The following NRAP variants were observed in gnomAD, a reference collection of about 807,000 sequenced individuals.
The protein encoded by NRAP is nebulin-related-anchoring protein.
Under a neutral mutation model 225.9 loss-of-function variants are expected in NRAP, and 189 were observed. That is an observed-to-expected ratio of 0.84 (90% CI 0.74 to 0.94). The LOEUF is 0.94. Among genes scored for constraint, NRAP ranks in the 40% least tolerant of loss-of-function variants. The probability of loss-of-function intolerance (pLI) is 0.00; values close to 1 mark genes in which losing one functional copy is unlikely to be tolerated. For missense variants in NRAP, 2,176 were observed against 2,168.7 expected (o/e 1.00, Z -0.07); for synonymous variants, 769 against 790.7 (o/e 0.97, Z 0.46).
At chr10:113,648,982 T>G (rs1042683584) in intron 9 of NRAP, among the ~76,000 whole-genome samples, 1 of 152,336 alleles carries the variant, frequency 6.6e-6, no homozygotes, top group Admixed American at 6.5e-5. Flanking sequence ...AGATTTTTTT[T>G]AAGCTGATTT....
At chr10:113,608,198 T>C (rs1056815321) in intron 32 of NRAP, among the ~76,000 whole-genome samples, 1 of 152,198 alleles carries the variant, frequency 6.6e-6, no homozygotes. Context: ...TGGTCTGGGA[T>C]TGCACTTGGA....
chr10:113,606,347 G>A, intron 32 of NRAP, 65 bp from the exon 33 acceptor site: 1 of 1,013,910 alleles, frequency 9.9e-7, no homozygotes, highest in Non-Finnish European at 1.5e-6. Context: ...TGCAGTGCTG[G>A]AAGTCCCTCA....
rs765630342 is a variant in NRAP, at chr10:113,615,800, T to C, written c.2990A>G (p.Gln997Arg). The C allele has an allele frequency of 6.3e-7, 1 of 1,598,902 alleles. No individual in the cohort carries two copies. Among genetic ancestry groups the C allele is most frequent in the South Asian group, 1.1e-5 (1 of 90,712 alleles). ...GTAATGATGCTTTATGTTTTCTCCTTGTTCCCTGTATAATCTCTGTGGATG... is the reference window on the plus strand; with the variant it reads ...GTAATGATGCTTTATGTTTTCTCCTCGTTCCCTGTATAATCTCTGTGGATG... ...TQAVDRLYREQGENIKHHYTP... is the reference protein window; with the variant it reads ...TQAVDRLYRERGENIKHHYTP... The change falls in exon 27 of 42, where the codon CAA becomes CGA. Residue 997 changes from glutamine to arginine, a missense_variant. Gln to Arg is a conservative substitution (Grantham distance 43). Transcript: ENST00000359988.
intron 18 of NRAP, among the ~76,000 whole-genome samples, chr10:113,631,138 G>A (rs964460659): frequency 6.6e-6 from 1 of 152,138 alleles, no homozygotes; most frequent in Non-Finnish European, 1.5e-5. Flanking sequence ...TAAGCAGGAC[G>A]CTTTTGGTCC....
chr10:113,662,654 T>C, intron 3 of NRAP, 25 bp downstream of exon 3: 1 of 1,165,796 alleles, frequency 8.6e-7, no homozygotes, highest in Non-Finnish European at 1.3e-6. Flanking sequence ...ATACCCTCCA[T>C]CCCACTGAAA....
chr10:113,593,074 A>G (rs1420216663), intron 38 of NRAP, among the ~76,000 whole-genome samples: 1 of 152,004 alleles, frequency 6.6e-6, no homozygotes, highest in Non-Finnish European at 1.5e-5. Context: ...AGATAAGGGA[A>G]TGGCTCTATA....
intron 11 of NRAP, among the ~76,000 whole-genome samples, chr10:113,643,379 G>T (rs1311490623): frequency 6.6e-6 from 1 of 152,176 alleles, no homozygotes; most frequent in Non-Finnish European, 1.5e-5. Flanking sequence ...CATATTTCCT[G>T]TAATGGAAAT....
At chr10:113,615,554 T>C (rs1847602524) in intron 27 of NRAP, among the ~76,000 whole-genome samples, 158 bp downstream of exon 27, 1 of 152,132 alleles carries the variant, frequency 6.6e-6, no homozygotes, top group African/African-American at 2.4e-5. Flanking sequence ...CAGATGAAAA[T>C]GTGGGGCCCC....
rs369131201 is a variant in NRAP at position 113,604,694 on chromosome 10, T to C, written c.4142A>G (p.Tyr1381Cys). 4.3e-6 allele frequency: 7 copies of C among 1,614,080 alleles called. No individual in the cohort carries two copies. The highest frequency in any genetic ancestry group is 1.3e-5 in the African/African-American group (1 of 74,936). The change falls in exon 35 of 42, where the codon TAC (tyrosine) becomes TGC (cysteine). Residue 1381 changes from tyrosine to cysteine, a missense_variant. By Grantham distance (194) the Tyr-to-Cys change is radical. This residue lies in a region of NRAP where 23 missense variants were observed against 47.1 expected (regional missense o/e 0.49). Coordinates refer to ENST00000359988, the MANE Select transcript of NRAP (RefSeq NM_198060.4). ...NAQALASDHD[Y>C]RTQYHKFTAL... ...TGTGAACTTGTGATACTGTGTCCTG[T>C]AGTCGTGGTCGCTGGCCAGAGCCTG...
In NRAP at chr10:113,634,143, T is replaced by C; in HGVS notation, c.1496A>G (p.Gln499Arg). 2.5e-6 allele frequency: 4 copies of C among 1,613,932 alleles called. No homozygotes were observed. Among genetic ancestry groups the C allele is most frequent in the Non-Finnish European group, 2.5e-6 (3 of 1,179,818 alleles). Residue 499 changes from glutamine (Q) to arginine (R), a missense_variant, in exon 15 of 42, where the codon CAA becomes CGA. This residue lies in a region of NRAP where 1,708 missense variants were observed against 1,695.5 expected (regional missense o/e 1.01). Coordinates refer to ENST00000359988, the MANE Select transcript of NRAP (RefSeq NM_198060.4). ...CAGCTGCTGGGCATTGATTTTGGCT[T>C]GAACAATCTGTGGGGTGTCAGTCAC... is the stretch of plus-strand genomic sequence containing the variant. ...SSVTDTPQIV[Q>R]AKINAQQLSH...
intron 13 of NRAP, among the ~76,000 whole-genome samples, chr10:113,641,040 T>C (rs573173415): frequency 6.6e-6 from 1 of 152,202 alleles, no homozygotes; most frequent in Non-Finnish European, 1.5e-5. Flanking sequence ...CTGGGGAATT[T>C]GGAATAAGAA....
In NRAP at chr10:113,650,544, A is replaced by G; in HGVS notation, c.677T>C (p.Val226Ala). The G allele has an allele frequency of 6.3e-7, 1 of 1,597,436 alleles. No individual in the cohort carries two copies. The highest frequency in any genetic ancestry group is 8.6e-7 in the Non-Finnish European group (1 of 1,164,956). The change falls in exon 8 of 42, where the codon GTG (valine) becomes GCG (alanine). Residue 226 changes from valine to alanine, a missense_variant and splice_region_variant. By Grantham distance (64) the Val-to-Ala change is moderately conservative. This residue lies in a region of NRAP where 1,708 missense variants were observed against 1,695.5 expected (regional missense o/e 1.01). Transcript: ENST00000359988. Reference sequence around the variant, plus strand: ...TTGTTCATAGTCCTCTGTGTATCTCACCTGAAATGAAAAAACATGTGAATC... The same window carrying G: ...TTGTTCATAGTCCTCTGTGTATCTCGCCTGAAATGAAAAAACATGTGAATC... ...SKAGAQLQSD[V>A]RYTEDYEQQR...
At position 113,612,431 on chromosome 10, in the gene NRAP, C is replaced by T; in HGVS notation, c.3301G>A (p.Val1101Met). ...TGTTCAAAGCCTTTCTTGTAATTCA[C>T]CTAGAGGGGCAGACAGAGCAACAGC... ...SVYATSLQSD[V>M]NYKKGFEHSK... Residue 1101 changes from valine (V) to methionine (M), a missense_variant and splice_region_variant, in exon 30 of 42, where the codon GTG becomes ATG. This residue lies in a region of NRAP where 1,708 missense variants were observed against 1,695.5 expected (regional missense o/e 1.01). Transcript: ENST00000359988. 6.2e-7 allele frequency: 1 copy of T among 1,613,490 alleles called. No individual in the cohort carries two copies. The highest frequency in any genetic ancestry group is 8.5e-7 in the Non-Finnish European group (1 of 1,179,630).
intron 38 of NRAP, among the ~76,000 whole-genome samples, chr10:113,592,990 C>T (rs1435887801): frequency 6.6e-6 from 1 of 152,140 alleles, no homozygotes; most frequent in African/African-American, 2.4e-5. Flanking sequence ...CCTCTTAGTC[C>T]TCAGGTAGAC....
intron 35 of NRAP, among the ~76,000 whole-genome samples, chr10:113,599,422 C>T (rs926560790): frequency 6.6e-6 from 1 of 152,202 alleles, no homozygotes; most frequent in African/African-American, 2.4e-5. Context: ...TGATAAAGAA[C>T]AGAGAAAATT....
intron 35 of NRAP, among the ~76,000 whole-genome samples, chr10:113,599,358 C>T (rs1017079704): frequency 2.0e-5 from 3 of 152,080 alleles, no homozygotes; most frequent in African/African-American, 7.2e-5. Context: ...AGTAAGATTG[C>T]TTTTTATACC....
At chr10:113,593,013 T>G (rs949179208) in intron 38 of NRAP, among the ~76,000 whole-genome samples, 1 of 152,182 alleles carries the variant, frequency 6.6e-6, no homozygotes, top group East Asian at 1.9e-4. Context: ...ACATCACCGA[T>G]AGAGGCATCA....
At chr10:113,642,852 C>A (rs1849285449) in intron 12 of NRAP, 82 bp downstream of exon 12, 1 of 784,586 alleles carries the variant, frequency 1.3e-6, no homozygotes, top group Non-Finnish European at 2.3e-6. Flanking sequence ...TAGATCCATT[C>A]CCATAGACTG....
In NRAP at chr10:113,610,533, G is replaced by A. The variant is rs868219364; in HGVS notation, c.3529C>T (p.Arg1177Ter). 2 of 1,601,594 alleles carry A rather than the reference G, an allele frequency of 1.2e-6. No individual in the cohort carries two copies. Among genetic ancestry groups the A allele is most frequent in the Non-Finnish European group, 1.7e-6 (2 of 1,168,862 alleles). The change falls in exon 31 of 42, where the codon CGA becomes TGA. Residue 1177 changes from arginine (R) to a stop codon, truncating the protein, a stop_gained. Transcript: ENST00000359988. LOFTEE classifies it high-confidence loss of function. ...NLYRSDLNFM[R>*]GVACVIPGTL... ...CCTGGAATGACACATGCAACACCTC[G>A]CATAAAGTTCAGGTCTGACCGGTAC...
Sources: gnomAD v4.1 joint callset for allele counts (sites outside exome capture counted in the v4.1 genomes callset) on GRCh38, gnomAD v4.1.1 for gene constraint, gnomAD v4.1.1 regional missense constraint, MANE v1.5 for transcripts, NCBI Gene and HGNC (gene_info 2026-07-23, HGNC 2026-07-21) for gene names.